Variants in ETV5 observed in about 807,000 individuals in gnomAD.
ETV5 encodes ETS translocation variant 5.
ETV5 carries 10 observed loss-of-function variants against 70.0 expected under a neutral mutation model. That is an observed-to-expected ratio of 0.14 (90% confidence interval 0.09 to 0.24). The LOEUF (loss-of-function observed/expected upper bound fraction) is 0.24, where lower values mean the gene tolerates loss of function less well. Among genes scored for constraint, ETV5 ranks in the 10% least tolerant of loss-of-function variants. The probability of loss-of-function intolerance (pLI) is 1.00; values close to 1 mark genes in which losing one functional copy is unlikely to be tolerated. For synonymous variants in ETV5, 216 were observed against 242.2 expected (o/e 0.89, Z 1.01); for missense variants, 453 against 651.2 (o/e 0.70, Z 3.31).
intron 5 of ETV5, among the ~76,000 whole-genome samples, chr3:186,088,057 G>A (rs755763641): frequency 1.6e-4 from 25 of 152,198 alleles, no homozygotes; most frequent in African/African-American, 2.4e-4. Context: ...TCACACACAG[G>A]CTTTGACCGC....
At chr3:186,085,657 C>T (rs1714040368) in intron 5 of ETV5, among the ~76,000 whole-genome samples, 1 of 151,926 alleles carries the variant, frequency 6.6e-6, no homozygotes. Flanking sequence ...TACAGGCATG[C>T]ACCACCACTC....
rs768381347 is a variant in ETV5, at chr3:186,079,894, A to C, written c.573T>G (p.Phe191Leu). The C allele has an allele frequency of 5.7e-6, 9 of 1,577,898 alleles. No individual in the cohort carries two copies. The Admixed American group carries it at 1.5e-4, about 27-fold the overall frequency. Residue 191 changes from phenylalanine (F) to leucine (L), a missense_variant, in exon 7 of 13, where the codon TTT becomes TTG. Phe to Leu is a conservative substitution (Grantham distance 22). Around this residue, in one of 4 missense-constraint regions of ETV5, gnomAD observed 307 missense variants for 344.9 expected, o/e 0.89. Coordinates refer to ENST00000306376, the MANE Select transcript of ETV5 (RefSeq NM_004454.3). ...LPEPGPQQQTFAVPRPPHQPL... is the reference protein window; with the variant it reads ...LPEPGPQQQTLAVPRPPHQPL... ...GCTGATGTGGTGGTCGGGGGACCGC[A>C]AATGTTTGCTGCTGTGGTCCAGGCT...
intron 1 of ETV5, chr3:186,108,436 G>C (rs934615899): frequency 9.2e-7 from 1 of 1,092,086 alleles, no homozygotes; most frequent in Non-Finnish European, 1.2e-6. Context: ...GTCGACCCCC[G>C]CCCCCGCAGG....
intron 5 of ETV5, among the ~76,000 whole-genome samples, chr3:186,099,995 A>G (rs1714411545): frequency 6.6e-6 from 1 of 152,236 alleles, no homozygotes; most frequent in South Asian, 2.1e-4. Context: ...ACGAAAGCAG[A>G]TTTTGTAAAA....
chr3:186,083,787 G>A (rs940048162), intron 5 of ETV5, among the ~76,000 whole-genome samples: 1 of 152,090 alleles, frequency 6.6e-6, no homozygotes, highest in African/African-American at 2.4e-5. Flanking sequence ...ACAAGGCTGG[G>A]TACAATGTTA....
At chr3:186,060,865 A>ATGT (rs1409408171) in intron 9 of ETV5, among the ~76,000 whole-genome samples, 1 of 152,160 alleles carries the variant, frequency 6.6e-6, no homozygotes, top group Non-Finnish European at 1.5e-5. Context: ...ATTATGCAAA[A>ATGT]TGTTTTCCTC....
intron 6 of ETV5, chr3:186,080,467 C>G (rs549145848): frequency 4.1e-6 from 1 of 241,690 alleles, no homozygotes; most frequent in Non-Finnish European, 8.0e-6. Flanking sequence ...CAACTATTTC[C>G]AGGGTTCCCA....
chr3:186,076,893 T>C (rs906724639), intron 7 of ETV5, among the ~76,000 whole-genome samples: 14 of 152,158 alleles, frequency 9.2e-5, no homozygotes, highest in African/African-American at 3.4e-4. Flanking sequence ...AAAAGTATAA[T>C]AAAAAAACAG....
In ETV5 at chr3:186,105,174, A is replaced by C. The variant is rs1350701964; in HGVS notation, c.232+131T>G. On this transcript the variant is annotated intron_variant, in intron 5 of 12. Transcript: ENST00000306376. The surrounding 1 kb of genome is among the most constrained non-coding windows in gnomAD (Gnocchi z 4.5). ...TAAAAGTTTTCAGGGTTAATTCTGA[A>C]TTATTAGAAGAAACTAAATGCATAC... is the stretch of plus-strand genomic sequence containing the variant. 1.5e-5 allele frequency: 10 copies of C among 666,030 alleles called. No homozygotes were observed. In the East Asian group the frequency reaches 2.0e-4, roughly 13 times the overall value. The allele number at this position is 666,030 out of a possible 1,614,324, so 41.3% of individuals were successfully genotyped here.
In ETV5 at chr3:186,047,574, T is replaced by G. The variant is rs1320579761; in HGVS notation, c.*1065A>C. The stretch of plus-strand genomic sequence containing the variant: ...ACTATACATAGAGAATCTAAGCTTG[T>G]GTCCAGGCTGCCCTGCACACTTCAA... On this transcript the variant is annotated 3_prime_UTR_variant, in exon 13 of 13. Coordinates refer to ENST00000306376, the MANE Select transcript of ETV5 (RefSeq NM_004454.3). The G allele has an allele frequency of 4.3e-6, 1 of 232,128 alleles. No homozygotes were observed. Among genetic ancestry groups the G allele is most frequent in the Non-Finnish European group, 8.5e-6 (1 of 117,256 alleles). The allele number at this position is 232,128 out of a possible 1,614,324, so 14.4% of individuals were successfully genotyped here.
At position 186,081,190 on chromosome 3, in the gene ETV5, G is replaced by C. The variant is rs1413053017; in HGVS notation, c.233-15C>G. 1 of 1,609,002 alleles carries C rather than the reference G, an allele frequency of 6.2e-7. No homozygotes were observed. The highest frequency in any genetic ancestry group is 8.5e-7 in the Non-Finnish European group (1 of 1,177,060). Reference sequence around the variant, plus strand: ...ATGAAGCACCACTGAAATCAGAAGAGGGATGAGAGGGGAATAGAGAGAGAA... The same window carrying C: ...ATGAAGCACCACTGAAATCAGAAGACGGATGAGAGGGGAATAGAGAGAGAA... On this transcript the variant is annotated splice_polypyrimidine_tract_variant and intron_variant, in intron 5 of 12. Coordinates refer to ENST00000306376, the MANE Select transcript of ETV5 (RefSeq NM_004454.3).
intron 12 of ETV5, among the ~76,000 whole-genome samples, chr3:186,049,157 G>A (rs924367003): frequency 6.6e-6 from 1 of 152,164 alleles, no homozygotes; most frequent in African/African-American, 2.4e-5. Flanking sequence ...GTTATGCTGA[G>A]CCTGGAGTCT....
At chr3:186,081,452 T>C (rs1293375954) in intron 5 of ETV5, among the ~76,000 whole-genome samples, 1 of 152,184 alleles carries the variant, frequency 6.6e-6, no homozygotes. Flanking sequence ...TTCCAGAAGC[T>C]GCAAAATCCT....
At chr3:186,100,666 T>G (rs1714430806) in intron 5 of ETV5, among the ~76,000 whole-genome samples, 1 of 152,216 alleles carries the variant, frequency 6.6e-6, no homozygotes, top group Non-Finnish European at 1.5e-5. Context: ...TACTTGTACT[T>G]CCTCCAGTTG....
intron 7 of ETV5, among the ~76,000 whole-genome samples, chr3:186,071,012 T>C (rs1235841817): frequency 4.6e-5 from 7 of 152,210 alleles, no homozygotes; most frequent in African/African-American, 1.7e-4. Context: ...TAAGGCTTTT[T>C]CGGTGCCAGT....
chr3:186,096,189 G>A (rs1265805010), intron 5 of ETV5, among the ~76,000 whole-genome samples: 1 of 152,130 alleles, frequency 6.6e-6, no homozygotes, highest in Non-Finnish European at 1.5e-5. Context: ...GAGTTGAGGA[G>A]AAGCAGAAAT....
intron 7 of ETV5, among the ~76,000 whole-genome samples, chr3:186,073,428 G>A (rs187390278): frequency 1.3e-5 from 2 of 152,166 alleles, no homozygotes; most frequent in South Asian, 2.1e-4. Context: ...ACGAAGAAAC[G>A]AAAGTTTGGA....
At chr3:186,087,682 C>T (rs1714089845) in intron 5 of ETV5, among the ~76,000 whole-genome samples, 1 of 152,190 alleles carries the variant, frequency 6.6e-6, no homozygotes, top group Non-Finnish European at 1.5e-5. Context: ...CTGACAAAAG[C>T]TGTTTACTGC....
rs921365255 is a variant in ETV5 at position 186,046,483 on chromosome 3, A to C, written c.*2156T>G. The C allele has an allele frequency of 1.7e-5, 4 of 231,618 alleles. No homozygotes were observed. Among genetic ancestry groups the C allele is most frequent in the Non-Finnish European group, 2.6e-5 (3 of 116,924 alleles). The allele number at this position is 231,618 out of a possible 1,614,324, so 14.3% of individuals were successfully genotyped here. On this transcript the variant is annotated 3_prime_UTR_variant, in exon 13 of 13. Coordinates refer to ENST00000306376, the MANE Select transcript of ETV5 (RefSeq NM_004454.3). Reference sequence around the variant, plus strand: ...CACTCTGGAAAAGAAGCAAACAAACAAACCCCAAAGAACCCCCGAAAAAAA... The same window carrying C: ...CACTCTGGAAAAGAAGCAAACAAACCAACCCCAAAGAACCCCCGAAAAAAA...
Sources: gnomAD v4.1 joint callset for allele counts (sites outside exome capture counted in the v4.1 genomes callset) on GRCh38, gnomAD v4.1.1 for gene constraint, gnomAD v4.1.1 regional missense constraint, Gnocchi (gnomAD v3.1) non-coding constraint, MANE v1.5 for transcripts, NCBI Gene and HGNC (gene_info 2026-07-23, HGNC 2026-07-21) for gene names.